LRRTM4: variants seen among roughly 807,000 people sequenced by gnomAD.
LRRTM4 encodes the protein leucine-rich repeat transmembrane neuronal protein 4.
A neutral mutation model predicts 47.6 loss-of-function variants in LRRTM4; 25 were observed. The observed-to-expected ratio is 0.53, with a 90% CI of 0.38 to 0.73. The LOEUF (loss-of-function observed/expected upper bound fraction) is 0.73, where lower values mean the gene tolerates loss of function less well. Ranked by LOEUF, LRRTM4 falls within the 30% of genes least tolerant of loss-of-function variation. LRRTM4 has a pLI of 0.00. For missense variants in LRRTM4, 638 were observed against 713.4 expected, an observed-to-expected ratio of 0.89 and a Z score of 1.20; for synonymous variants, 311 against 269.5, an observed-to-expected ratio of 1.15 and a Z score of -1.51.
At chr2:77,053,987 T>C (rs536662292) in intron 3 of LRRTM4, among the ~76,000 whole-genome samples, 2 of 152,258 alleles carry the variant, frequency 1.3e-5, no homozygotes, top group African/African-American at 4.8e-5. Context: ...AAAAAAAAGC[T>C]TTCAGTGAAA....
chr2:77,009,771 C>G (rs144110351), intron 3 of LRRTM4: 1 of 152,044 alleles, frequency 6.6e-6, no homozygotes, highest in East Asian at 1.9e-4. Flanking sequence ...ACTTTCTCTA[C>G]CAATAAATTC....
At chr2:76,909,200 A>G (rs1673960263) in intron 3 of LRRTM4, among the ~76,000 whole-genome samples, 1 of 152,226 alleles carries the variant, frequency 6.6e-6, no homozygotes, top group Non-Finnish European at 1.5e-5. Context: ...CTTATCTACA[A>G]CTATCTGATC....
chr2:77,242,545 A>C lies in LRRTM4; in HGVS notation c.1551+275773T>G, dbSNP rs141396944. On this transcript the variant is annotated intron_variant, in intron 3 of 3. Transcript: ENST00000409884. ...TCTCTAAAATACATACAAATGACCA[A>C]TAAGTACATGAAAAGATGCTCAACA... 3.5e-3 allele frequency among the ~76,000 whole-genome samples: 527 copies of C among 152,286 alleles called. 1 individual carries two copies. The highest frequency in any genetic ancestry group is 0.012 in the African/African-American group (498 of 41,566).
chr2:77,224,401 A>T (rs976508839), intron 3 of LRRTM4, among the ~76,000 whole-genome samples: 1 of 152,332 alleles, frequency 6.6e-6, no homozygotes, highest in Admixed American at 6.5e-5. Flanking sequence ...AGCAAAAGAA[A>T]CTACCATCAG....
intron 3 of LRRTM4, among the ~76,000 whole-genome samples, chr2:76,910,404 A>G (rs1017416971): frequency 2.0e-5 from 3 of 151,922 alleles, no homozygotes; most frequent in African/African-American, 7.3e-5. Context: ...CTAGATGACG[A>G]GTTAGTGGGT....
chr2:77,450,870 C>T (rs1676229294), intron 3 of LRRTM4, among the ~76,000 whole-genome samples: 1 of 151,996 alleles, frequency 6.6e-6, no homozygotes, highest in South Asian at 2.1e-4. Flanking sequence ...ATTACATTCC[C>T]CAATATTATT....
chr2:77,391,243 T>C (rs1007366576), intron 3 of LRRTM4, among the ~76,000 whole-genome samples: 1 of 152,074 alleles, frequency 6.6e-6, no homozygotes, highest in African/African-American at 2.4e-5. Context: ...ACAATGGAAA[T>C]GTGTATGTGC....
At chr2:77,362,057 C>G (rs1191565460) in intron 3 of LRRTM4, among the ~76,000 whole-genome samples, 1 of 150,198 alleles carries the variant, frequency 6.7e-6, no homozygotes, top group Non-Finnish European at 1.5e-5. Context: ...CCACTGCACT[C>G]CAGCCTTGTG....
chr2:77,161,949 C>T (rs1302218031), intron 3 of LRRTM4, among the ~76,000 whole-genome samples: 4 of 152,108 alleles, frequency 2.6e-5, no homozygotes, highest in Non-Finnish European at 4.4e-5. Context: ...GTCTACAGCT[C>T]CCAGCGTGAG....
At chr2:77,183,233 T>C (rs1478671014) in intron 3 of LRRTM4, among the ~76,000 whole-genome samples, 1 of 151,810 alleles carries the variant, frequency 6.6e-6, no homozygotes, top group Non-Finnish European at 1.5e-5. Flanking sequence ...CCAACAAATT[T>C]ACAACAAAAA....
intron 3 of LRRTM4, among the ~76,000 whole-genome samples, chr2:77,101,778 A>C (rs1397335170): frequency 1.3e-5 from 2 of 152,226 alleles, no homozygotes; most frequent in African/African-American, 4.8e-5. Flanking sequence ...AAGGTGAACT[A>C]AAATCAAGTT....
chr2:77,413,192 G>A (rs1172966309), intron 3 of LRRTM4, among the ~76,000 whole-genome samples: 2 of 152,030 alleles, frequency 1.3e-5, no homozygotes, highest in African/African-American at 4.8e-5. Context: ...CTTGTAATTG[G>A]CAGAAATCCT....
intron 3 of LRRTM4, among the ~76,000 whole-genome samples, chr2:76,859,190 A>T (rs1397911104): frequency 2.0e-5 from 3 of 152,182 alleles, no homozygotes; most frequent in African/African-American, 7.2e-5. Flanking sequence ...GGGGTGAAGG[A>T]TACTGGTTGA....
chr2:77,172,283 T>C (rs940485993), intron 3 of LRRTM4, among the ~76,000 whole-genome samples: 1 of 152,300 alleles, frequency 6.6e-6, no homozygotes, highest in Non-Finnish European at 1.5e-5. Flanking sequence ...AATCCATATA[T>C]ATGCTACTAT....
At chr2:77,270,535 T>G (rs6738584) in intron 3 of LRRTM4, among the ~76,000 whole-genome samples, 3,027 of 152,328 alleles carry the variant, frequency 0.02, 51 homozygotes, top group African/African-American at 0.039. Flanking sequence ...GGAGAAAATG[T>G]CTGCTCCTTT....
intron 3 of LRRTM4, among the ~76,000 whole-genome samples, chr2:77,040,034 T>A (rs889551199): frequency 1.3e-5 from 2 of 151,220 alleles, no homozygotes; most frequent in Non-Finnish European, 3.0e-5. Context: ...AATCAAATTA[T>A]CTTGATGTAT....
At chr2:76,787,640 G>T (rs1674747310) in intron 3 of LRRTM4, among the ~76,000 whole-genome samples, 2 of 152,008 alleles carry the variant, frequency 1.3e-5, no homozygotes, top group Admixed American at 6.6e-5. Flanking sequence ...GATTATTATA[G>T]GGAAAACTTT....
chr2:77,460,086 G>A (rs1337398233), intron 3 of LRRTM4, among the ~76,000 whole-genome samples: 1 of 152,018 alleles, frequency 6.6e-6, no homozygotes, highest in Admixed American at 6.6e-5. Context: ...CGGATACCCA[G>A]AGGAATACAA....
At chr2:77,052,992 A>G (rs1032653907) in intron 3 of LRRTM4, among the ~76,000 whole-genome samples, 1 of 152,130 alleles carries the variant, frequency 6.6e-6, no homozygotes, top group Non-Finnish European at 1.5e-5. Context: ...AAAAAAAAAA[A>G]CTATCAAATG....
Sources: gnomAD v4.1 joint callset for allele counts (sites outside exome capture counted in the v4.1 genomes callset) on GRCh38, gnomAD v4.1.1 for gene constraint, MANE v1.5 for transcripts, NCBI Gene and HGNC (gene_info 2026-07-23, HGNC 2026-07-21) for gene names.